The following PCDHA7 variants were observed in gnomAD, a reference collection of about 807,000 sequenced individuals.
PCDHA7 encodes the protein protocadherin alpha 7.
Under a neutral mutation model 57.2 loss-of-function variants are expected in PCDHA7, and 37 were observed. That is an observed-to-expected ratio of 0.65 (90% CI 0.50 to 0.85). The LOEUF (loss-of-function observed/expected upper bound fraction) is 0.85. PCDHA7 is among the 40% of genes least tolerant of loss of function. PCDHA7 has a pLI of 0.00. For synonymous variants in PCDHA7, 553 were observed against 558.8 expected, an observed-to-expected ratio of 0.99 and a Z score of 0.15; for missense variants, 1,188 against 1,241.8, an observed-to-expected ratio of 0.96 and a Z score of 0.65.
At chr5:140,972,829 A>T (rs1554234573) in intron 1 of PCDHA7, among the ~76,000 whole-genome samples, 2 of 151,928 alleles carry the variant, frequency 1.3e-5, no homozygotes, top group African/African-American at 4.8e-5. Flanking sequence ...ACGCCTGGCT[A>T]ATTTTTGTAT....
chr5:140,869,666 A>C, intron 1 of PCDHA7: 12 of 1,613,524 alleles, frequency 7.4e-6, no homozygotes, highest in Non-Finnish European at 1.0e-5. Flanking sequence ...AATGGTAAGC[A>C]GATTAAAAGA....
At chr5:140,841,918 C>G (rs2150325531) in intron 1 of PCDHA7, 33 of 1,613,726 alleles carry the variant, frequency 2.0e-5, no homozygotes, top group Non-Finnish European at 2.6e-5. Flanking sequence ...TAAGAAAATC[C>G]TTGGACAGAG....
At chr5:140,862,916 G>T (rs1581662111) in intron 1 of PCDHA7, 1 of 547,888 alleles carries the variant, frequency 1.8e-6, no homozygotes, top group Non-Finnish European at 3.5e-6. Context: ...CTGGCGCCTT[G>T]GGTGGGCTGG....
rs377328620 is a variant in PCDHA7 at position 140,928,577 on chromosome 5, A to G, written c.2356-50372A>G. On this transcript the variant is annotated intron_variant, in intron 1 of 3. Coordinates refer to ENST00000525929, the MANE Select transcript of PCDHA7 (RefSeq NM_018910.3). ...GTTATCTTGTTTCCCTTGCCCAGAA[A>G]TGGTTCTGTCCCAGTGGAAATTGTG... is the stretch of plus-strand genomic sequence containing the variant. The G allele has an allele frequency of 3.7e-6, 6 of 1,614,070 alleles. No homozygotes were observed. The African/African-American group carries it at 6.7e-5, about 18-fold the overall frequency.
At chr5:140,866,092 G>C (rs1167702930) in intron 1 of PCDHA7, 1 of 152,100 alleles carries the variant, frequency 6.6e-6, no homozygotes, top group Non-Finnish European at 1.5e-5. Context: ...TTATGTAATT[G>C]TTAAGTAATT....
Position 140,978,948 on chromosome 5 carries a change from G to A in PCDHA7, c.2356-1G>A, listed in dbSNP as rs1554239939. On this transcript the variant is annotated splice_acceptor_variant, in intron 1 of 3. Transcript: ENST00000525929. LOFTEE classifies it high-confidence loss of function. ...AGAAAACTCTCTTTGTGATTTTGCA[G>A]CCACGACAGCCCAACCCTGACTGGC... is the stretch of plus-strand genomic sequence containing the variant. 1 of 1,614,128 alleles carries A rather than the reference G, an allele frequency of 6.2e-7. No individual in the cohort carries two copies. The highest frequency in any genetic ancestry group is 8.5e-7 in the Non-Finnish European group (1 of 1,180,018).
At chr5:140,872,134 A>C (rs938546166) in intron 1 of PCDHA7, among the ~76,000 whole-genome samples, 1 of 152,112 alleles carries the variant, frequency 6.6e-6, no homozygotes, top group Non-Finnish European at 1.5e-5. Context: ...CAAAGCTAGA[A>C]TACTCCATTA....
intron 3 of PCDHA7, among the ~76,000 whole-genome samples, chr5:140,984,759 T>C (rs2097119018): frequency 6.6e-6 from 1 of 152,184 alleles, no homozygotes; most frequent in Non-Finnish European, 1.5e-5. Context: ...AGTTGAATTC[T>C]AATCCCAAGC....
intron 1 of PCDHA7, among the ~76,000 whole-genome samples, chr5:140,962,930 C>T (rs2095720492): frequency 6.6e-6 from 1 of 152,144 alleles, no homozygotes; most frequent in Admixed American, 6.5e-5. Context: ...TACTTCTCAA[C>T]CTCCTCTCCA....
At chr5:140,840,562 G>C (rs1776767588) in intron 1 of PCDHA7, among the ~76,000 whole-genome samples, 1 of 152,076 alleles carries the variant, frequency 6.6e-6, no homozygotes, top group South Asian at 2.1e-4. Context: ...TACTGCTAGA[G>C]TTTGGCATGT....
At chr5:140,898,306 G>T (rs192633483) in intron 1 of PCDHA7, among the ~76,000 whole-genome samples, 3 of 152,228 alleles carry the variant, frequency 2.0e-5, no homozygotes, top group African/African-American at 4.8e-5. Flanking sequence ...TTTCTTCTAG[G>T]GTTTTTATGG....
chr5:140,978,633 CA>C (rs2096813426), intron 1 of PCDHA7, among the ~76,000 whole-genome samples: 1 of 152,214 alleles, frequency 6.6e-6, no homozygotes, highest in South Asian at 2.1e-4. Context: ...TTTCCTTTCT[CA>C]AAGCAGACTG....
At chr5:140,958,667 TA>T (rs1310790364) in intron 1 of PCDHA7, among the ~76,000 whole-genome samples, 1 of 152,186 alleles carries the variant, frequency 6.6e-6, no homozygotes, top group African/African-American at 2.4e-5. Context: ...GATGAAATTT[TA>T]ATTATAAAGG....
intron 1 of PCDHA7, among the ~76,000 whole-genome samples, chr5:140,885,639 A>C (rs782628776): frequency 6.6e-6 from 1 of 152,184 alleles, no homozygotes; most frequent in Non-Finnish European, 1.5e-5. Flanking sequence ...TTGCCTTCCA[A>C]GTATTTTGGA....
intron 1 of PCDHA7, among the ~76,000 whole-genome samples, chr5:140,885,376 G>T (rs1242393742): frequency 6.6e-6 from 1 of 152,032 alleles, no homozygotes; most frequent in Non-Finnish European, 1.5e-5. Context: ...AGTACCTTTT[G>T]GCAGTCCCTG....
At chr5:140,984,859 A>G (rs1368341114) in intron 3 of PCDHA7, among the ~76,000 whole-genome samples, 1 of 152,046 alleles carries the variant, frequency 6.6e-6, no homozygotes, top group Non-Finnish European at 1.5e-5. Flanking sequence ...TAATAATAAC[A>G]CCTATTTTAT....
intron 1 of PCDHA7, chr5:140,875,630 G>A: frequency 6.2e-7 from 1 of 1,613,686 alleles, no homozygotes. Context: ...CAGGACCTGG[G>A]GCTGGAGCTG....
Position 140,883,704 on chromosome 5 carries a change from C to A in PCDHA7, c.2355+46966C>A, listed in dbSNP as rs782488934. The A allele has an allele frequency of 1.9e-5, 31 of 1,613,628 alleles. 1 individual carries two copies. In the Middle Eastern group the frequency reaches 5.0e-4, roughly 26 times the overall value. ...GGCTGCCACATCTTCACGGTGTCTG[C>A]TCAGGACGCGGACGCACAGGAGAAC... On this transcript the variant is annotated intron_variant, in intron 1 of 3. Transcript: ENST00000525929.
At position 140,978,994 on chromosome 5, in the gene PCDHA7, GCAGGCATGCA is replaced by G; in HGVS notation, c.2406_2414+1del. 3 of 1,614,152 alleles carry G rather than the reference GCAGGCATGCA, an allele frequency of 1.9e-6. No homozygotes were observed. The highest frequency in any genetic ancestry group is 8.5e-7 in the Non-Finnish European group (1 of 1,180,022). ...CTGGCGTTACTCTGCCTCCCTGAGA[GCAGGCATGCA>G]CAGGTATGTATTTCCCTCCTCATTC... On this transcript the variant is annotated frameshift_variant, in exon 2 of 4. Transcript: ENST00000525929. LOFTEE classifies it high-confidence loss of function.
Sources: gnomAD v4.1 joint callset for allele counts (sites outside exome capture counted in the v4.1 genomes callset) on GRCh38, gnomAD v4.1.1 for gene constraint, MANE v1.5 for transcripts, NCBI Gene and HGNC (gene_info 2026-07-23, HGNC 2026-07-21) for gene names.